HEMGN: variants seen among roughly 807,000 people sequenced by gnomAD.
The protein encoded by HEMGN is hemogen.
HEMGN carries 32 observed loss-of-function variants against 45.7 expected under a neutral mutation model. That is an observed-to-expected ratio of 0.70 (90% CI 0.53 to 0.94). The LOEUF is 0.94. Ranked by LOEUF, HEMGN falls within the 40% of genes least tolerant of loss-of-function variation. HEMGN has a pLI of 0.00. For missense variants in HEMGN, 530 were observed against 564.2 expected (o/e 0.94, Z 0.61); for synonymous variants, 183 against 178.6 (o/e 1.02, Z -0.20).
At position 97,930,661 on chromosome 9, in the gene HEMGN, G is replaced by C. The variant is rs1297728296; in HGVS notation, c.734C>G (p.Pro245Arg). ...EAAVPKILPC[P>R]TSEDTADLAG... ...CAGATCAGCTGTGTCTTCAGATGTT[G>C]GACAAGGAAGGATTTTGGGTACAGC... Residue 245 changes from proline to arginine, a missense_variant, in exon 3 of 4, where the codon CCA becomes CGA. Physicochemically the swap from Pro to Arg is moderately radical, Grantham distance 103 (BLOSUM62 -2). Coordinates refer to ENST00000616898, the MANE Select transcript of HEMGN (RefSeq NM_197978.3). 5 of 1,614,124 alleles carry C rather than the reference G, an allele frequency of 3.1e-6. No individual in the cohort carries two copies. Among genetic ancestry groups the C allele is most frequent in the Non-Finnish European group, 3.4e-6 (4 of 1,180,000 alleles).
chr9:97,927,168 T>TAC lies in HEMGN; in HGVS notation c.*214_*215dup, dbSNP rs34825770. 2,375 of 316,952 alleles carry TAC rather than the reference T, an allele frequency of 7.5e-3. 13 individuals carry two copies. Among genetic ancestry groups the TAC allele is most frequent in the African/African-American group, 0.018 (819 of 44,992 alleles). 19.6% of individuals were successfully genotyped at this position (316,952 alleles called of 1,614,324 possible). ...ATCCTCTCCCCGACCTATACATACA[T>TAC]ACACACACACACACACACACACACA... On this transcript the variant is annotated 3_prime_UTR_variant, in exon 4 of 4. Coordinates refer to ENST00000616898, the MANE Select transcript of HEMGN (RefSeq NM_197978.3).
intron 1 of HEMGN, 75 bp from the exon 2 acceptor site, chr9:97,936,339 G>T: frequency 2.1e-6 from 2 of 966,550 alleles, no homozygotes; most frequent in Non-Finnish European, 3.3e-6. Context: ...TAGCCAAGTG[G>T]CAGAGTCTCT....
At chr9:97,928,181 C>T (rs1449917817) in intron 3 of HEMGN, among the ~76,000 whole-genome samples, 2 of 152,098 alleles carry the variant, frequency 1.3e-5, no homozygotes, top group East Asian at 1.9e-4. Flanking sequence ...CGCCCGCCAC[C>T]GCGCCCGGCT....
In HEMGN at chr9:97,930,481, G is replaced by A. The variant is rs769155522; in HGVS notation, c.914C>T (p.Ala305Val). 13 of 1,613,998 alleles carry A rather than the reference G, an allele frequency of 8.1e-6. No individual in the cohort carries two copies. Among genetic ancestry groups the A allele is most frequent in the Non-Finnish European group, 1.1e-5 (13 of 1,179,910 alleles). The change falls in exon 3 of 4, where the codon GCT (alanine) becomes GTT (valine). Residue 305 changes from alanine to valine, a missense_variant. Ala to Val is a moderately conservative substitution (Grantham distance 64). Coordinates refer to ENST00000616898, the MANE Select transcript of HEMGN (RefSeq NM_197978.3). ...EGLFPKIQEI[A>V]EPKDLSTKTH... ...TTTTGTAGAAAGGTCTTTAGGCTCA[G>A]CTATTTCTTGTATTTTAGGAAAAAG...
intron 2 of HEMGN, among the ~76,000 whole-genome samples, chr9:97,933,097 C>T (rs917428413): frequency 1.2e-4 from 19 of 152,230 alleles, no homozygotes; most frequent in Non-Finnish European, 2.2e-4. Context: ...GTGGCCTAAA[C>T]TTTAGTCTGT....
chr9:97,940,987 TTAGAGA>T (rs1359484876), upstream of HEMGN, among the ~76,000 whole-genome samples: 1 of 152,152 alleles, frequency 6.6e-6, no homozygotes, highest in African/African-American at 2.4e-5. Flanking sequence ...GTCCTATGTG[TTAGAGA>T]TAGAGTAATT....
In HEMGN at chr9:97,931,145, A is replaced by T; in HGVS notation, c.250T>A (p.Leu84Met). 6.2e-7 allele frequency: 1 copy of T among 1,613,852 alleles called. No individual in the cohort carries two copies. Among genetic ancestry groups the T allele is most frequent in the Non-Finnish European group, 8.5e-7 (1 of 1,179,984 alleles). The change falls in exon 3 of 4, where the codon TTG (leucine) becomes ATG (methionine). Residue 84 changes from leucine to methionine, a missense_variant. Leu to Met is a conservative substitution (Grantham distance 15). Transcript: ENST00000616898. The part of the protein sequence containing the change: ...RGRKRQQNTE[L>M]KVEPQPQIEK... Reference sequence around the variant, plus strand: ...ATCTGTGGCTGAGGCTCCACCTTCAATTCTGTGTTTTGTTGTCTCTTTCTG... The same window carrying T: ...ATCTGTGGCTGAGGCTCCACCTTCATTTCTGTGTTTTGTTGTCTCTTTCTG...
upstream of HEMGN, chr9:97,938,457 T>C (rs1729125313): frequency 4.5e-6 from 1 of 220,040 alleles, no homozygotes; most frequent in Admixed American, 5.6e-5. Flanking sequence ...CTTTTGGTTC[T>C]ATCTGCCAGG....
At chr9:97,927,594 G>A (rs761159674) in intron 3 of HEMGN, 116 bp from the exon 4 acceptor site, 2 of 624,758 alleles carry the variant, frequency 3.2e-6, no homozygotes, top group Non-Finnish European at 5.6e-6. Context: ...ACCGTAGATG[G>A]GGTAAATTTT....
At chr9:97,943,775 C>T (rs1223991680) in intron 1 of HEMGN, among the ~76,000 whole-genome samples, 2 of 152,214 alleles carry the variant, frequency 1.3e-5, no homozygotes, top group East Asian at 1.9e-4. Context: ...CATTTCATTG[C>T]TTTGCATATG....
Position 97,927,103 on chromosome 9 carries a change from C to A in HEMGN, c.*281G>T. The stretch of plus-strand genomic sequence containing the variant: ...GTTCTTAGGGGGGAAAACCAATTAT[C>A]CAGTCCTCCCCGCTTCCTTATTTGT... On this transcript the variant is annotated 3_prime_UTR_variant, in exon 4 of 4. Transcript: ENST00000616898. The A allele has an allele frequency of 4.2e-6, 1 of 235,598 alleles. No homozygotes were observed. The highest frequency in any genetic ancestry group is 8.2e-5 in the East Asian group (1 of 12,178). 14.6% of individuals were successfully genotyped at this position (235,598 alleles called of 1,614,324 possible). A position where few individuals can be genotyped will look rare whatever the true frequency, so the allele number is the denominator to read the frequency against.
upstream of HEMGN, among the ~76,000 whole-genome samples, chr9:97,938,983 A>ACCAT (rs1158949319): frequency 1.3e-5 from 2 of 152,178 alleles, no homozygotes; most frequent in African/African-American, 4.8e-5. Context: ...AATCAAAGGA[A>ACCAT]CCATCCTATC....
intron 2 of HEMGN, among the ~76,000 whole-genome samples, chr9:97,935,931 A>T (rs1827049558): frequency 1.3e-5 from 2 of 152,186 alleles, no homozygotes; most frequent in South Asian, 4.1e-4. Flanking sequence ...GCTTTAATTA[A>T]AAGAGACCAG....
rs747231547 is a variant in HEMGN, at chr9:97,938,128, C to T, written c.9G>A (p.Leu3=). ...GCTTCAAATGAGATTGGTCCTTTCC[C>T]AAATCCATCTTGCTGCAATACCTTC... MD[L]GKDQSHLKHH... Residue 3 remains leucine (L), a synonymous_variant, in exon 1 of 4, where the codon TTG becomes TTA. Transcript: ENST00000616898. The T allele has an allele frequency of 6.2e-7, 1 of 1,611,392 alleles. No individual in the cohort carries two copies. Among genetic ancestry groups the T allele is most frequent in the Admixed American group, 1.7e-5 (1 of 59,890 alleles).
intron 1 of HEMGN, among the ~76,000 whole-genome samples, chr9:97,936,690 G>A (rs572158544): frequency 2.6e-4 from 39 of 152,122 alleles, no homozygotes; most frequent in Non-Finnish European, 2.8e-4. Flanking sequence ...TTAAGCTAGC[G>A]TTATATTAGA....
At chr9:97,940,919 C>A (rs1221096307), upstream of HEMGN, among the ~76,000 whole-genome samples, 1 of 152,112 alleles carries the variant, frequency 6.6e-6, no homozygotes, top group Admixed American at 6.5e-5. Flanking sequence ...TTAATAATAG[C>A]AATATCATCA....
At chr9:97,928,117 C>G (rs1289364820) in intron 3 of HEMGN, among the ~76,000 whole-genome samples, 3 of 151,476 alleles carry the variant, frequency 2.0e-5, no homozygotes, top group Non-Finnish European at 4.4e-5. Context: ...AGCTCCGCCT[C>G]CCGGGTTCAC....
intron 2 of HEMGN, 89 bp from the exon 3 acceptor site, chr9:97,931,310 C>T (rs962584145): frequency 2.1e-5 from 20 of 931,820 alleles, no homozygotes; most frequent in Non-Finnish European, 2.9e-5. Context: ...CCCACTGCCT[C>T]ATTGCACAAG....
intron 1 of HEMGN, among the ~76,000 whole-genome samples, chr9:97,943,928 A>G (rs1285411912): frequency 6.6e-6 from 1 of 150,934 alleles, no homozygotes; most frequent in Non-Finnish European, 1.5e-5. Context: ...CCTCCATGAA[A>G]TTTGCTCCAC....
Sources: allele counts gnomAD v4.1 joint callset (sites outside exome capture counted in the v4.1 genomes callset), GRCh38; gene constraint gnomAD v4.1.1; transcripts MANE v1.5; gene names NCBI Gene and HGNC (gene_info 2026-07-23, HGNC 2026-07-21).